IMMP2L: variants seen among roughly 807,000 people sequenced by gnomAD.
The protein encoded by IMMP2L is mitochondrial inner membrane protease subunit 2.
In IMMP2L, 18 loss-of-function variants were observed where a neutral mutation model predicts 19.3. The observed-to-expected ratio is 0.93, with a 90% CI of 0.64 to 1.38. IMMP2L has a LOEUF of 1.38. Among genes scored for constraint, IMMP2L ranks in the 40% most tolerant of loss-of-function variants. IMMP2L has a pLI of 0.00. For missense variants in IMMP2L, 233 were observed against 218.2 expected, an observed-to-expected ratio of 1.07 and a Z score of -0.43; for synonymous variants, 76 against 73.0, an observed-to-expected ratio of 1.04 and a Z score of -0.21.
chr7:111,462,696 A>G (rs1484326496), intron 3 of IMMP2L, among the ~76,000 whole-genome samples: 6 of 152,074 alleles, frequency 3.9e-5, no homozygotes. Flanking sequence ...ATGTGCTTAC[A>G]GACCTAACTA....
chr7:111,055,887 C>G (rs1793466487), intron 3 of IMMP2L, among the ~76,000 whole-genome samples: 1 of 152,136 alleles, frequency 6.6e-6, no homozygotes, highest in South Asian at 2.1e-4. Context: ...ACGCACCATG[C>G]CAATACCAGA....
At chr7:110,952,470 C>T in intron 4 of IMMP2L, among the ~76,000 whole-genome samples, 1 of 152,124 alleles carries the variant, frequency 6.6e-6, no homozygotes, top group Non-Finnish European at 1.5e-5. Flanking sequence ...TGATCTGCTT[C>T]CTGCTAGGAA....
intron 5 of IMMP2L, among the ~76,000 whole-genome samples, chr7:110,852,429 T>G (rs908857118): frequency 6.6e-6 from 1 of 151,986 alleles, no homozygotes; most frequent in Admixed American, 6.6e-5. Context: ...CAGGGCAACA[T>G]GATGGCCAGA....
chr7:111,193,215 T>C (rs1809091523), intron 3 of IMMP2L, among the ~76,000 whole-genome samples: 4 of 152,050 alleles, frequency 2.6e-5, no homozygotes, highest in Admixed American at 1.3e-4. Flanking sequence ...TGGGAAGAAA[T>C]TAAAATACAA....
At chr7:111,333,728 A>C (rs958500977) in intron 3 of IMMP2L, among the ~76,000 whole-genome samples, 9 of 152,074 alleles carry the variant, frequency 5.9e-5, no homozygotes, top group African/African-American at 2.2e-4. Context: ...AAAAGACTAG[A>C]CTGGCATAGT....
rs147708643 is a variant in IMMP2L, at chr7:111,346,994, T to C, written c.239+140244A>G. 4.7e-4 allele frequency among the ~76,000 whole-genome samples: 72 copies of C among 152,092 alleles called. No individual in the cohort carries two copies. In the South Asian group the frequency reaches 6.0e-3, roughly 13 times the overall value. ...TGGCAGAGGGTTTAAAAAGTCTCTG[T>C]CTCATAAGAAATGTTCACTAATCAC... On this transcript the variant is annotated intron_variant, in intron 3 of 5. Transcript: ENST00000405709.
At chr7:110,788,645 T>A (rs1424344542) in intron 5 of IMMP2L, among the ~76,000 whole-genome samples, 3 of 151,706 alleles carry the variant, frequency 2.0e-5, no homozygotes, top group East Asian at 3.9e-4. Flanking sequence ...ACATCTCCAC[T>A]TAGTCGTCTT....
intron 3 of IMMP2L, among the ~76,000 whole-genome samples, chr7:111,283,970 CAAAAAAAAAA>C (rs972346409): frequency 1.0e-4 from 5 of 48,604 alleles, no homozygotes; most frequent in African/African-American, 2.2e-4. Context: ...GACTCCGTCT[CAAAAAAAAAA>C]AAAAAAAAAA....
At chr7:111,082,743 T>G (rs1330727429) in intron 3 of IMMP2L, among the ~76,000 whole-genome samples, 1 of 151,900 alleles carries the variant, frequency 6.6e-6, no homozygotes, top group Non-Finnish European at 1.5e-5. Context: ...TCTAATCAAA[T>G]GTACCCTTTA....
chr7:110,827,957 G>A (rs993532415), intron 5 of IMMP2L, among the ~76,000 whole-genome samples: 6 of 152,076 alleles, frequency 3.9e-5, no homozygotes, highest in African/African-American at 1.2e-4. Flanking sequence ...TTAATCATGA[G>A]AGAGTTAGAC....
At position 111,452,102 on chromosome 7, in the gene IMMP2L, TC is replaced by T. The variant is rs1398574014; in HGVS notation, c.239+35135del. On this transcript the variant is annotated intron_variant, in intron 3 of 5. Coordinates refer to ENST00000405709, the MANE Select transcript of IMMP2L (RefSeq NM_032549.4). ...ATGAAATACTTTAGACTTATGTTTT[TC>T]TAGTAACAGTTACATATTAATCAAG... Among the ~76,000 whole-genome samples, 15 of 152,118 alleles carry T rather than the reference TC, an allele frequency of 9.9e-5. No homozygotes were observed. The East Asian group carries it at 1.5e-3, about 16-fold the overall frequency.
intron 5 of IMMP2L, among the ~76,000 whole-genome samples, chr7:110,794,933 C>T (rs147826359): frequency 5.9e-4 from 89 of 152,050 alleles, no homozygotes; most frequent in African/African-American, 1.9e-3. Flanking sequence ...ATGACTTGCC[C>T]ACAGTTTTAC....
intron 3 of IMMP2L, among the ~76,000 whole-genome samples, chr7:111,050,211 T>C (rs899870367): frequency 6.6e-6 from 1 of 152,176 alleles, no homozygotes; most frequent in Non-Finnish European, 1.5e-5. Flanking sequence ...AATCAAGTGG[T>C]TTTAATCCAT....
chr7:111,424,789 T>G (rs966899683), intron 3 of IMMP2L, among the ~76,000 whole-genome samples: 1 of 151,830 alleles, frequency 6.6e-6, no homozygotes, highest in African/African-American at 2.4e-5. Flanking sequence ...ACCAAAACAT[T>G]TGAAACAATC....
At chr7:110,946,845 C>T (rs1487954426) in intron 4 of IMMP2L, among the ~76,000 whole-genome samples, 2 of 150,954 alleles carry the variant, frequency 1.3e-5, no homozygotes, top group African/African-American at 2.4e-5. Flanking sequence ...CTCAGCCTCC[C>T]GAGTAGCTGG....
intron 1 of IMMP2L, among the ~76,000 whole-genome samples, chr7:111,539,180 GAAGGAAGGAAGGAGGGAGAA>G (rs1563330257): frequency 1.6e-4 from 11 of 68,246 alleles, no homozygotes; most frequent in South Asian, 5.2e-4. Flanking sequence ...AGGAAGGAAG[GAAGGAAGGAAGGAGGGAGAA>G]AGAAAGAAAG....
At chr7:110,852,446 C>A (rs1164011352) in intron 5 of IMMP2L, among the ~76,000 whole-genome samples, 1 of 151,918 alleles carries the variant, frequency 6.6e-6, no homozygotes, top group Non-Finnish European at 1.5e-5. Flanking sequence ...CAGAATGGTA[C>A]CTGCACATGC....
chr7:111,071,961 A>G (rs2129575447), intron 3 of IMMP2L, among the ~76,000 whole-genome samples: 1 of 152,304 alleles, frequency 6.6e-6, no homozygotes, highest in Non-Finnish European at 1.5e-5. Context: ...TGATGATACC[A>G]TCCACTAAAA....
At chr7:111,031,537 A>C (rs1459943470) in intron 3 of IMMP2L, among the ~76,000 whole-genome samples, 1 of 152,170 alleles carries the variant, frequency 6.6e-6, no homozygotes, top group Non-Finnish European at 1.5e-5. Flanking sequence ...GGATTATAAC[A>C]AAAAGTGTAA....
Sources: gnomAD v4.1 joint callset for allele counts (sites outside exome capture counted in the v4.1 genomes callset) on GRCh38, gnomAD v4.1.1 for gene constraint, MANE v1.5 for transcripts, NCBI Gene and HGNC (gene_info 2026-07-23, HGNC 2026-07-21) for gene names.